ST8SIA6: variants seen among roughly 807,000 people sequenced by gnomAD.
The protein encoded by ST8SIA6 is alpha-2,8-sialyltransferase 8F.
ST8SIA6 carries 39 observed loss-of-function variants against 33.6 expected under a neutral mutation model. The observed-to-expected ratio is 1.16, with a 90% CI of 0.90 to 1.52. The LOEUF (loss-of-function observed/expected upper bound fraction) is 1.52. Ranked by LOEUF, ST8SIA6 falls within the 40% of genes most tolerant of loss-of-function variation. ST8SIA6 has a pLI of 0.00. For synonymous variants in ST8SIA6, 172 were observed against 167.2 expected (o/e 1.03, Z -0.22); for missense variants, 441 against 443.8 (o/e 0.99, Z 0.06).
chr10:17,426,141 C>G (rs1851932749), intron 2 of ST8SIA6, among the ~76,000 whole-genome samples: 1 of 152,156 alleles, frequency 6.6e-6, no homozygotes, highest in Admixed American at 6.5e-5. Flanking sequence ...CTCCCACAGC[C>G]CCTGCTTCTT....
At chr10:17,440,801 TAA>T (rs1852459187) in intron 2 of ST8SIA6, among the ~76,000 whole-genome samples, 1 of 152,208 alleles carries the variant, frequency 6.6e-6, no homozygotes, top group Admixed American at 6.5e-5. Context: ...AAAGTCATTA[TAA>T]AAGACATGGA....
chr10:17,422,173 A>G (rs1027337471), intron 2 of ST8SIA6, among the ~76,000 whole-genome samples: 3 of 152,230 alleles, frequency 2.0e-5, no homozygotes, highest in African/African-American at 7.2e-5. Context: ...TCACGCTAAA[A>G]GAGAAAAAAA....
intron 2 of ST8SIA6, among the ~76,000 whole-genome samples, chr10:17,450,731 C>T (rs965934465): frequency 3.3e-5 from 5 of 152,206 alleles, no homozygotes; most frequent in East Asian, 1.9e-4. Context: ...CTTGAGCCTC[C>T]GTGCTCGGCC....
At chr10:17,442,020 C>T (rs558848176) in intron 2 of ST8SIA6, among the ~76,000 whole-genome samples, 38 of 152,182 alleles carry the variant, frequency 2.5e-4, no homozygotes, top group African/African-American at 6.5e-4. Context: ...AGGTGCCTGC[C>T]GCCACGCCTG....
At chr10:17,422,063 T>C (rs1287375067) in intron 2 of ST8SIA6, among the ~76,000 whole-genome samples, 1 of 152,000 alleles carries the variant, frequency 6.6e-6, no homozygotes, top group Non-Finnish European at 1.5e-5. Flanking sequence ...AAAGATAACT[T>C]CAATCCTAAA....
intron 4 of ST8SIA6, among the ~76,000 whole-genome samples, chr10:17,352,485 A>T (rs1400532925): frequency 6.6e-6 from 1 of 152,196 alleles, no homozygotes; most frequent in African/African-American, 2.4e-5. Flanking sequence ...ACCAGTGTAA[A>T]CAATGTAATG....
chr10:17,359,620 A>T lies in ST8SIA6; in HGVS notation c.291-20T>A. The T allele has an allele frequency of 6.1e-6, 9 of 1,465,378 alleles. No homozygotes were observed. Among genetic ancestry groups the T allele is most frequent in the Non-Finnish European group, 6.6e-6 (7 of 1,060,158 alleles). The allele number at this position is 1,465,378 out of a possible 1,614,324, so 90.8% of individuals were successfully genotyped here. A position where few individuals can be genotyped will look rare whatever the true frequency, so the allele number is the denominator to read the frequency against. ...GAATACCTAAAAATTAAATGTCAAT[A>T]TAATTAGAAAATAATGATCTCATAT... On this transcript the variant is annotated intron_variant, in intron 3 of 7. Coordinates refer to ENST00000377602, the MANE Select transcript of ST8SIA6 (RefSeq NM_001004470.3).
chr10:17,387,253 ATT>A (rs34212118), intron 3 of ST8SIA6, among the ~76,000 whole-genome samples: 2,565 of 145,418 alleles, frequency 0.018, 74 homozygotes, highest in African/African-American at 0.06. Context: ...GAAAACAATA[ATT>A]TTTTTTTTTT....
At chr10:17,448,804 T>G (rs1852813468) in intron 2 of ST8SIA6, among the ~76,000 whole-genome samples, 1 of 144,158 alleles carries the variant, frequency 6.9e-6, no homozygotes, top group Non-Finnish European at 1.5e-5. Context: ...TTTTTTTTTT[T>G]GTTAGAGACA....
intron 3 of ST8SIA6, among the ~76,000 whole-genome samples, chr10:17,372,310 C>G (rs1037343434): frequency 2.0e-5 from 3 of 152,204 alleles, no homozygotes; most frequent in African/African-American, 7.2e-5. Flanking sequence ...TATTTTGGAG[C>G]TGGATCACTT....
chr10:17,425,537 G>T (rs181900516), intron 2 of ST8SIA6, among the ~76,000 whole-genome samples: 2 of 151,578 alleles, frequency 1.3e-5, no homozygotes, highest in Non-Finnish European at 2.9e-5. Context: ...ACTGCACTCC[G>T]GCCTAGGCAG....
chr10:17,334,551 AATTATT>A (rs139518760), intron 4 of ST8SIA6, among the ~76,000 whole-genome samples: 1 of 142,774 alleles, frequency 7.0e-6, no homozygotes, highest in Admixed American at 7.0e-5. Flanking sequence ...AAAAAAAAAA[AATTATT>A]ATTATTATTA....
chr10:17,390,861 C>CT (rs58598287), intron 2 of ST8SIA6, among the ~76,000 whole-genome samples: 4,622 of 140,356 alleles, frequency 0.033, 79 homozygotes, highest in South Asian at 0.058. Flanking sequence ...TTTTGAAGAC[C>CT]TTTTTTTTTT....
rs912581986 is a variant in ST8SIA6, at chr10:17,319,491, T to C, written c.*1387A>G. Among the ~76,000 whole-genome samples the C allele has an allele frequency of 2.6e-5, 4 of 152,202 alleles. No individual in the cohort carries two copies. Among genetic ancestry groups the C allele is most frequent in the African/African-American group, 4.8e-5 (2 of 41,452 alleles). On this transcript the variant is annotated 3_prime_UTR_variant, in exon 8 of 8. Coordinates refer to ENST00000377602, the MANE Select transcript of ST8SIA6 (RefSeq NM_001004470.3). ...TCAGATGTGTTAACTTGGAAATGTC[T>C]ACAATTTTCTCCACAAAAGAAAACC... is the stretch of plus-strand genomic sequence containing the variant.
intron 4 of ST8SIA6, among the ~76,000 whole-genome samples, chr10:17,344,511 G>C (rs1848771537): frequency 6.6e-6 from 1 of 152,104 alleles, no homozygotes; most frequent in Non-Finnish European, 1.5e-5. Flanking sequence ...AACAGTATGG[G>C]GGAAACCACT....
chr10:17,347,812 G>A (rs982386192), intron 4 of ST8SIA6, among the ~76,000 whole-genome samples: 1 of 151,994 alleles, frequency 6.6e-6, no homozygotes, highest in Non-Finnish European at 1.5e-5. Context: ...GCACGTGCCT[G>A]TAGTCCCAGC....
chr10:17,341,762 G>A (rs1296893586), intron 4 of ST8SIA6, among the ~76,000 whole-genome samples: 1 of 151,824 alleles, frequency 6.6e-6, no homozygotes, highest in Non-Finnish European at 1.5e-5. Flanking sequence ...TTAGCCAGGT[G>A]TGTTGGCAGC....
intron 2 of ST8SIA6, among the ~76,000 whole-genome samples, 195 bp from the exon 3 acceptor site, chr10:17,390,815 A>T (rs978370696): frequency 1.4e-5 from 2 of 140,922 alleles, no homozygotes; most frequent in African/African-American, 5.3e-5. Context: ...AAAAACAAAA[A>T]ACTTACGCTG....
At chr10:17,368,513 G>A (rs189362880) in intron 3 of ST8SIA6, among the ~76,000 whole-genome samples, 11 of 150,508 alleles carry the variant, frequency 7.3e-5, no homozygotes, top group South Asian at 4.2e-4. Context: ...GCATGTTAAA[G>A]TGCTAGGTAC....
Sources: gnomAD v4.1 joint callset for allele counts (sites outside exome capture counted in the v4.1 genomes callset) on GRCh38, gnomAD v4.1.1 for gene constraint, MANE v1.5 for transcripts, NCBI Gene and HGNC (gene_info 2026-07-23, HGNC 2026-07-21) for gene names.